Variants in RANBP10 observed in about 807,000 individuals in gnomAD.
RANBP10 encodes RAN binding protein 10.
In RANBP10, 24 loss-of-function variants were observed where a neutral mutation model predicts 72.8. The observed-to-expected ratio is 0.33, with a 90% CI of 0.24 to 0.46. The LOEUF (loss-of-function observed/expected upper bound fraction) is 0.46. Among genes scored for constraint, RANBP10 ranks in the 20% least tolerant of loss-of-function variants. RANBP10 has a pLI of 1.00. For missense variants in RANBP10, 679 were observed against 817.5 expected (o/e 0.83, Z 2.07); for synonymous variants, 310 against 322.3 (o/e 0.96, Z 0.41).
chr16:67,745,060 G>A (rs1567683638), intron 3 of RANBP10, among the ~76,000 whole-genome samples: 1 of 151,756 alleles, frequency 6.6e-6, no homozygotes, highest in Non-Finnish European at 1.5e-5. Context: ...TCAATCTCCT[G>A]ACCTCGTGAT....
At chr16:67,747,844 G>C (rs986307951) in intron 3 of RANBP10, among the ~76,000 whole-genome samples, 5 of 141,776 alleles carry the variant, frequency 3.5e-5, no homozygotes, top group African/African-American at 1.0e-4. Context: ...TTTTTAAGAC[G>C]GAGTCTCACT....
intron 2 of RANBP10, among the ~76,000 whole-genome samples, chr16:67,792,698 G>A (rs187847322): frequency 2.2e-4 from 33 of 151,308 alleles, no homozygotes; most frequent in African/African-American, 5.1e-4. Context: ...CAGGAGAATC[G>A]CTTAAAACTG....
At chr16:67,748,617 T>C (rs917774122) in intron 3 of RANBP10, among the ~76,000 whole-genome samples, 2 of 152,018 alleles carry the variant, frequency 1.3e-5, no homozygotes, top group African/African-American at 4.8e-5. Context: ...TTGCCCAGGC[T>C]GGTCTCAAAC....
chr16:67,782,343 T>C (rs544799869), intron 2 of RANBP10, among the ~76,000 whole-genome samples: 9 of 152,288 alleles, frequency 5.9e-5, no homozygotes, highest in South Asian at 4.1e-4. Flanking sequence ...CCTAGGCTAG[T>C]CTTGAACCCC....
intron 3 of RANBP10, among the ~76,000 whole-genome samples, chr16:67,761,850 C>T (rs1567694894): frequency 1.3e-5 from 2 of 152,188 alleles, no homozygotes; most frequent in East Asian, 3.9e-4. Flanking sequence ...GAGTTATAGG[C>T]GTAAGCCACC....
At chr16:67,786,939 GA>G (rs1336589458) in intron 2 of RANBP10, among the ~76,000 whole-genome samples, 2 of 148,056 alleles carry the variant, frequency 1.4e-5, no homozygotes, top group Non-Finnish European at 3.0e-5. Flanking sequence ...AAACAACAAC[GA>G]AAAAATAGAA....
At chr16:67,794,680 G>T (rs1383473021) in intron 2 of RANBP10, among the ~76,000 whole-genome samples, 1 of 150,374 alleles carries the variant, frequency 6.7e-6, no homozygotes, top group African/African-American at 2.4e-5. Context: ...GTGCCACCAT[G>T]GCCAGCTAAT....
chr16:67,728,727 C>G, intron 10 of RANBP10: 1 of 803,132 alleles, frequency 1.2e-6, no homozygotes, highest in Non-Finnish European at 1.9e-6. Context: ...CCACCCTTGC[C>G]CCAGTGCTGC....
At chr16:67,775,767 G>A (rs754034564) in intron 2 of RANBP10, among the ~76,000 whole-genome samples, 39 of 145,746 alleles carry the variant, frequency 2.7e-4, no homozygotes, top group Non-Finnish European at 3.1e-4. Context: ...TTGTGCCACT[G>A]GGTGACAGAG....
At chr16:67,742,406 CAG>C (rs1278905945) in intron 4 of RANBP10, among the ~76,000 whole-genome samples, 1 of 152,112 alleles carries the variant, frequency 6.6e-6, no homozygotes. Flanking sequence ...AGTAAGAACA[CAG>C]AAGGTGTTGA....
Position 67,731,513 on chromosome 16 carries a change from G to C in RANBP10, c.848C>G (p.Thr283Ser), listed in dbSNP as rs542995855. The C allele has an allele frequency of 4.5e-5, 72 of 1,614,154 alleles. No homozygotes were observed. The South Asian group carries it at 7.6e-4, about 17-fold the overall frequency. Residue 283 changes from threonine (T) to serine (S), a missense_variant, in exon 7 of 14, where the codon ACC becomes AGC. Physicochemically the swap from Thr to Ser is moderately conservative, Grantham distance 58 (BLOSUM62 1). Coordinates refer to ENST00000317506, the MANE Select transcript of RANBP10 (RefSeq NM_020850.3). Reference sequence around the variant, plus strand: ...GGACGCCTGTTCTTCCTGAATCGGGGTTTCAGTCATTCGAGCAAAAGCCGT... The same window carrying C: ...GGACGCCTGTTCTTCCTGAATCGGGCTTTCAGTCATTCGAGCAAAAGCCGT... ...TATAFARMTE[T>S]PIQEEQASIK... is the part of the protein sequence containing the mutation.
chr16:67,773,017 A>G (rs2054635908), intron 2 of RANBP10, among the ~76,000 whole-genome samples: 1 of 152,206 alleles, frequency 6.6e-6, no homozygotes, highest in Non-Finnish European at 1.5e-5. Flanking sequence ...CTGCAATGTG[A>G]GAAAGACATG....
intron 4 of RANBP10, among the ~76,000 whole-genome samples, chr16:67,742,431 A>T (rs1301188355): frequency 6.6e-6 from 1 of 152,260 alleles, no homozygotes; most frequent in Admixed American, 6.5e-5. Context: ...GGCTGGAAAA[A>T]AAGTCAAAAT....
Position 67,806,298 on chromosome 16 carries a change from A to G in RANBP10, c.235+4T>C, listed in dbSNP as rs1301791291. 2 of 1,608,382 alleles carry G rather than the reference A, an allele frequency of 1.2e-6. No individual in the cohort carries two copies. The highest frequency in any genetic ancestry group is 1.7e-6 in the Non-Finnish European group (2 of 1,177,096). Reference sequence around the variant, plus strand: ...TAATTCCCCCCAGCCTGACGGGCCGATACCTTTGTAGTGGACGCGGAGGTT... The same window carrying G: ...TAATTCCCCCCAGCCTGACGGGCCGGTACCTTTGTAGTGGACGCGGAGGTT... On this transcript the variant is annotated splice_donor_region_variant and intron_variant, in intron 1 of 13. Coordinates refer to ENST00000317506, the MANE Select transcript of RANBP10 (RefSeq NM_020850.3).
At chr16:67,779,741 C>T (rs1373056751) in intron 2 of RANBP10, among the ~76,000 whole-genome samples, 1 of 152,130 alleles carries the variant, frequency 6.6e-6, no homozygotes, top group African/African-American at 2.4e-5. Context: ...ATGCCCTGTA[C>T]CCAGTATGAT....
Position 67,730,719 on chromosome 16 carries a change from T to C in RANBP10, c.890-673A>G, listed in dbSNP as rs2053712539. Among the ~76,000 whole-genome samples, 1 of 152,194 alleles carries C rather than the reference T, an allele frequency of 6.6e-6. No individual in the cohort carries two copies. The highest frequency in any genetic ancestry group is 1.5e-5 in the Non-Finnish European group (1 of 68,022). ...CAAGTCTGGGATCCCTTTCCGTCTG[T>C]CTGGCTGAGCACAGCTTCTCTGGGA... On this transcript the variant is annotated intron_variant, in intron 7 of 13. Transcript: ENST00000317506. The surrounding 1 kb of genome is among the most constrained non-coding windows in gnomAD (Gnocchi z 4.3).
chr16:67,727,325 A>G lies in RANBP10; in HGVS notation c.1732+2T>C. Reference sequence around the variant, plus strand: ...ATAATAATAATAAATAGATTCACTCACCTAAAATGGCGCTGTTGAGGGCAG... The same window carrying G: ...ATAATAATAATAAATAGATTCACTCGCCTAAAATGGCGCTGTTGAGGGCAG... On this transcript the variant is annotated splice_donor_variant, in intron 13 of 13. Transcript: ENST00000317506. LOFTEE classifies it high-confidence loss of function. The G allele has an allele frequency of 6.2e-7, 1 of 1,604,572 alleles. No individual in the cohort carries two copies. Among genetic ancestry groups the G allele is most frequent in the Non-Finnish European group, 8.5e-7 (1 of 1,176,876 alleles).
At chr16:67,788,446 AG>A (rs1265236998) in intron 2 of RANBP10, among the ~76,000 whole-genome samples, 1 of 150,248 alleles carries the variant, frequency 6.7e-6, no homozygotes, top group Non-Finnish European at 1.5e-5. Flanking sequence ...TTTAGTAGAG[AG>A]GGGGTTTCAC....
chr16:67,806,293 G>T lies in RANBP10; in HGVS notation c.235+9C>A. ...AGCCTTAATTCCCCCCAGCCTGACG[G>T]GCCGATACCTTTGTAGTGGACGCGG... On this transcript the variant is annotated intron_variant, in intron 1 of 13. Transcript: ENST00000317506. 1.2e-6 allele frequency: 2 copies of T among 1,604,948 alleles called. No individual in the cohort carries two copies. The highest frequency in any genetic ancestry group is 1.7e-6 in the Non-Finnish European group (2 of 1,175,098).
Sources: allele counts gnomAD v4.1 joint callset (sites outside exome capture counted in the v4.1 genomes callset), GRCh38; gene constraint gnomAD v4.1.1; non-coding constraint Gnocchi (gnomAD v3.1); transcripts MANE v1.5; gene names NCBI Gene and HGNC (gene_info 2026-07-23, HGNC 2026-07-21).